Variants in XKR4 observed in about 807,000 individuals in gnomAD.
The protein encoded by XKR4 is XK-related protein 4.
A neutral mutation model predicts 53.9 loss-of-function variants in XKR4; 12 were observed. The ratio of observed to expected loss-of-function variants is 0.22; its 90% CI spans 0.14 to 0.36. The LOEUF (loss-of-function observed/expected upper bound fraction) is 0.36. Ranked by LOEUF, XKR4 falls within the 10% of genes least tolerant of loss-of-function variation. The pLI is 1.00. For missense variants in XKR4, 799 were observed against 859.5 expected, an observed-to-expected ratio of 0.93 and a Z score of 0.88; for synonymous variants, 354 against 362.4, an observed-to-expected ratio of 0.98 and a Z score of 0.26.
In XKR4 at chr8:55,402,944, G is replaced by A. The variant is rs182004812; in HGVS notation, c.1006+45067G>A. ...CAGAAAACAGACCTCTTTCAGCTCC[G>A]TCCAGGTCAGGAGCATCACAAATCA... On this transcript the variant is annotated intron_variant, in intron 2 of 2. Transcript: ENST00000327381. 3.3e-5 allele frequency among the ~76,000 whole-genome samples: 5 copies of A among 152,272 alleles called. No homozygotes were observed. In the South Asian group the frequency reaches 8.3e-4, roughly 25 times the overall value.
chr8:55,483,706 G>A (rs1388504832), intron 2 of XKR4, among the ~76,000 whole-genome samples: 1 of 151,980 alleles, frequency 6.6e-6, no homozygotes, highest in Non-Finnish European at 1.5e-5. Flanking sequence ...AGGTATAGCA[G>A]TGCTGAGAGG....
At chr8:55,489,290 C>A (rs1806239680) in intron 2 of XKR4, among the ~76,000 whole-genome samples, 3 of 152,200 alleles carry the variant, frequency 2.0e-5, no homozygotes. Flanking sequence ...ACTCAATTTT[C>A]TTATAAACCT....
chr8:55,448,842 C>G (rs1170711567), intron 2 of XKR4, among the ~76,000 whole-genome samples: 1 of 152,028 alleles, frequency 6.6e-6, no homozygotes, highest in Non-Finnish European at 1.5e-5. Flanking sequence ...GTGAACCAGT[C>G]AAGACAGCCA....
At position 55,103,137 on chromosome 8, in the gene XKR4, T is replaced by A. The variant is rs923353549; in HGVS notation, c.649T>A (p.Ser217Thr). The A allele has an allele frequency of 9.9e-6, 16 of 1,613,720 alleles. No homozygotes were observed. Among genetic ancestry groups the A allele is most frequent in the Admixed American group, 1.7e-5 (1 of 60,008 alleles). Residue 217 changes from serine (S) to threonine (T), a missense_variant, in exon 1 of 3, where the codon TCT becomes ACT. Ser to Thr is a moderately conservative substitution (Grantham distance 58). Coordinates refer to ENST00000327381, the MANE Select transcript of XKR4 (RefSeq NM_052898.2). ...ARPSTPQRQA[S>T]NASKSNIAAA... ...TCCTTCCACGCCGCAAAGGCAAGCA[T>A]CTAACGCCAGCAAGAGCAACATCGC...
intron 1 of XKR4, among the ~76,000 whole-genome samples, chr8:55,114,073 C>T (rs1301886382): frequency 6.6e-6 from 1 of 152,068 alleles, no homozygotes; most frequent in East Asian, 1.9e-4. Context: ...GATTTATATT[C>T]CTTTGGGTAT....
chr8:55,293,849 ATAGT>A (rs1051172986), intron 1 of XKR4, among the ~76,000 whole-genome samples: 9 of 152,232 alleles, frequency 5.9e-5, no homozygotes, highest in Non-Finnish European at 1.5e-5. Context: ...ATCTAGACTC[ATAGT>A]TAGGAAATAA....
chr8:55,292,541 T>A (rs1158856172), intron 1 of XKR4, among the ~76,000 whole-genome samples: 1 of 152,176 alleles, frequency 6.6e-6, no homozygotes, highest in African/African-American at 2.4e-5. Flanking sequence ...TTCTCTCTTT[T>A]TTTACCCAAA....
At chr8:55,190,742 G>T (rs531253308) in intron 1 of XKR4, among the ~76,000 whole-genome samples, 2 of 152,252 alleles carry the variant, frequency 1.3e-5, no homozygotes, top group South Asian at 2.1e-4. Context: ...AGTATGTTGC[G>T]TTCTGGACCA....
intron 1 of XKR4, among the ~76,000 whole-genome samples, chr8:55,309,399 G>A (rs1470256308): frequency 2.6e-5 from 4 of 152,198 alleles, no homozygotes; most frequent in Non-Finnish European, 5.9e-5. Context: ...GTTGCAAAGA[G>A]TTTAGAATGG....
intron 2 of XKR4, among the ~76,000 whole-genome samples, chr8:55,439,426 A>G (rs1055778153): frequency 6.6e-6 from 1 of 152,238 alleles, no homozygotes; most frequent in African/African-American, 2.4e-5. Context: ...CCTCAGCAAC[A>G]GATTGGCAAA....
chr8:55,357,093 T>C lies in XKR4; in HGVS notation c.807-585T>C, dbSNP rs567103355. On this transcript the variant is annotated intron_variant, in intron 1 of 2. Transcript: ENST00000327381. The stretch of plus-strand genomic sequence containing the variant: ...ATTAGTGAAGTGGAGAGTCAAAAAT[T>C]ATATGCAGATTTTCAACTACATTGA... Among the ~76,000 whole-genome samples, 15 of 152,348 alleles carry C rather than the reference T, an allele frequency of 9.8e-5. No homozygotes were observed. The Middle Eastern group carries it at 0.017, about 173-fold the overall frequency.
At chr8:55,459,287 ATAGACC>A (rs1563356456) in intron 2 of XKR4, among the ~76,000 whole-genome samples, 1 of 152,240 alleles carries the variant, frequency 6.6e-6, no homozygotes, top group African/African-American at 2.4e-5. Context: ...AAAATAGAAC[ATAGACC>A]TAAATGTAAG....
At chr8:55,138,091 G>T (rs943908464) in intron 1 of XKR4, among the ~76,000 whole-genome samples, 1 of 152,098 alleles carries the variant, frequency 6.6e-6, no homozygotes, top group South Asian at 2.1e-4. Context: ...TGACTTTGGC[G>T]TTCTACAATG....
intron 1 of XKR4, among the ~76,000 whole-genome samples, chr8:55,172,231 G>A (rs1225746572): frequency 4.6e-5 from 7 of 150,968 alleles, no homozygotes; most frequent in African/African-American, 1.2e-4. Flanking sequence ...AAAAGTCCCC[G>A]TTTTCCTTCA....
Position 55,524,237 on chromosome 8 carries a change from A to G in XKR4, c.*10A>G. 1.2e-6 allele frequency: 2 copies of G among 1,604,928 alleles called. No homozygotes were observed. The highest frequency in any genetic ancestry group is 2.7e-5 in the African/African-American group (2 of 74,878). ...CGAAACCACTTTATAAAGCAAAAGG[A>G]GTTGCAGGACCCACAACATCCAGAT... On this transcript the variant is annotated 3_prime_UTR_variant, in exon 3 of 3. Transcript: ENST00000327381.
At chr8:55,199,186 C>T (rs1817542807) in intron 1 of XKR4, among the ~76,000 whole-genome samples, 1 of 151,992 alleles carries the variant, frequency 6.6e-6, no homozygotes, top group Admixed American at 6.6e-5. Flanking sequence ...AAAGGCACTT[C>T]CCAAAACAAC....
chr8:55,311,673 C>T (rs1417532967), intron 1 of XKR4, among the ~76,000 whole-genome samples: 1 of 151,902 alleles, frequency 6.6e-6, no homozygotes, highest in East Asian at 1.9e-4. Context: ...TTAGCATCCC[C>T]AGGTTATAGA....
chr8:55,436,165 T>C (rs900155021), intron 2 of XKR4, among the ~76,000 whole-genome samples: 3 of 152,178 alleles, frequency 2.0e-5, no homozygotes, highest in Admixed American at 6.5e-5. Context: ...ATATAATATA[T>C]TCAATGAGGA....
At chr8:55,320,135 G>A (rs560968749) in intron 1 of XKR4, among the ~76,000 whole-genome samples, 1 of 152,310 alleles carries the variant, frequency 6.6e-6, no homozygotes, top group Admixed American at 6.5e-5. Context: ...ACGTTAGGCA[G>A]GCTAGAAAGC....
Sources: gnomAD v4.1 joint callset for allele counts (sites outside exome capture counted in the v4.1 genomes callset) on GRCh38, gnomAD v4.1.1 for gene constraint, MANE v1.5 for transcripts, NCBI Gene and HGNC (gene_info 2026-07-23, HGNC 2026-07-21) for gene names.